Variants in ADGRL3 observed in about 807,000 individuals in gnomAD.
ADGRL3 encodes adhesion G protein-coupled receptor L3, also known as calcium-independent alpha-latrotoxin receptor 3.
A neutral mutation model predicts 153.5 loss-of-function variants in ADGRL3; 62 were observed. The ratio of observed to expected loss-of-function variants is 0.40; its 90% CI spans 0.33 to 0.50. The LOEUF is 0.50. Ranked by LOEUF, ADGRL3 falls within the 20% of genes least tolerant of loss-of-function variation. The pLI is 0.47. For missense variants in ADGRL3, 1,641 were observed against 1,859.4 expected (o/e 0.88, Z 2.16); for synonymous variants, 710 against 672.5 (o/e 1.06, Z -0.86).
intron 17 of ADGRL3, among the ~76,000 whole-genome samples, chr4:61,965,855 T>C (rs192233840): frequency 6.6e-5 from 10 of 152,214 alleles, no homozygotes; most frequent in Non-Finnish European, 1.3e-4. Context: ...ACTCTGCGTA[T>C]CATTACAATG....
At chr4:61,925,460 T>C (rs754963302) in intron 13 of ADGRL3, among the ~76,000 whole-genome samples, 2 of 152,206 alleles carry the variant, frequency 1.3e-5, no homozygotes, top group Admixed American at 6.5e-5. Context: ...TGTAAAGGAA[T>C]ACCTGAGCCT....
intron 9 of ADGRL3, among the ~76,000 whole-genome samples, chr4:61,823,426 G>T (rs879434314): frequency 3.9e-5 from 6 of 151,960 alleles, no homozygotes; most frequent in Admixed American, 6.6e-5. Context: ...ATTCCTTCCC[G>T]AAGAGAGCTA....
chr4:61,706,653 C>T (rs1279844638), intron 6 of ADGRL3, among the ~76,000 whole-genome samples: 1 of 152,076 alleles, frequency 6.6e-6, no homozygotes, highest in Non-Finnish European at 1.5e-5. Flanking sequence ...TCCACATCAC[C>T]ATTTCTCTCA....
chr4:61,560,670 C>G (rs1267035644), intron 4 of ADGRL3, among the ~76,000 whole-genome samples: 2 of 151,652 alleles, frequency 1.3e-5, no homozygotes, highest in African/African-American at 2.4e-5. Context: ...TTTTTGCCTT[C>G]CTTTAAAGAA....
At chr4:61,301,123 T>C (rs2094570218) in intron 1 of ADGRL3, among the ~76,000 whole-genome samples, 2 of 152,202 alleles carry the variant, frequency 1.3e-5, no homozygotes. Context: ...TGGAAGTCAT[T>C]GATAAAGCTG....
At chr4:61,266,197 G>T (rs753398987) in intron 1 of ADGRL3, among the ~76,000 whole-genome samples, 3 of 151,666 alleles carry the variant, frequency 2.0e-5, no homozygotes, top group Non-Finnish European at 3.0e-5. Flanking sequence ...CACCCTGAAC[G>T]ATTATATCCT....
chr4:61,282,649 A>G (rs1025690641), intron 1 of ADGRL3, among the ~76,000 whole-genome samples: 13 of 151,964 alleles, frequency 8.6e-5, no homozygotes, highest in African/African-American at 3.1e-4. Context: ...TTTACTAAAC[A>G]TAGTAAATTC....
At chr4:61,725,429 A>G (rs2096312365) in intron 6 of ADGRL3, among the ~76,000 whole-genome samples, 1 of 151,898 alleles carries the variant, frequency 6.6e-6, no homozygotes, top group Non-Finnish European at 1.5e-5. Context: ...CATCTCTACT[A>G]AAAATACAAA....
chr4:62,041,660 C>CA (rs1486787010), intron 24 of ADGRL3, among the ~76,000 whole-genome samples: 3 of 151,868 alleles, frequency 2.0e-5, no homozygotes, highest in East Asian at 1.9e-4. Context: ...TCTCTCCTTC[C>CA]AAAAAATCTT....
intron 4 of ADGRL3, among the ~76,000 whole-genome samples, chr4:61,551,196 G>A (rs1009457478): frequency 1.3e-5 from 2 of 152,204 alleles, no homozygotes; most frequent in Middle Eastern, 3.4e-3. Flanking sequence ...CTTGAGACAA[G>A]TGTAATCGCA....
intron 15 of ADGRL3, among the ~76,000 whole-genome samples, chr4:61,937,723 TTGTTCAC>T (rs1266282829): frequency 3.3e-5 from 5 of 152,318 alleles, no homozygotes; most frequent in Admixed American, 3.3e-4. Flanking sequence ...TTGTCTAATC[TTGTTCAC>T]TGATGTAACC....
At chr4:61,677,614 A>G (rs997099660) in intron 6 of ADGRL3, among the ~76,000 whole-genome samples, 2 of 152,052 alleles carry the variant, frequency 1.3e-5, no homozygotes, top group Admixed American at 6.6e-5. Flanking sequence ...AACAATTTTT[A>G]TATCTAACTC....
intron 11 of ADGRL3, among the ~76,000 whole-genome samples, chr4:61,896,070 C>G (rs551596170): frequency 6.6e-6 from 1 of 151,876 alleles, no homozygotes; most frequent in Non-Finnish European, 1.5e-5. Flanking sequence ...AATAAAATTT[C>G]TCTGGTATTG....
At chr4:61,386,879 G>GGTTT (rs1407698051) in intron 2 of ADGRL3, among the ~76,000 whole-genome samples, 2 of 152,060 alleles carry the variant, frequency 1.3e-5, no homozygotes, top group Non-Finnish European at 2.9e-5. Context: ...TTTAAAGGCT[G>GGTTT]GTTTATTGAT....
rs1180916619 is a variant in ADGRL3 at position 61,202,641 on chromosome 4, A to G, written c.-240+876A>G. ...CTCGGCGCTTCTCTGAGGAGAAGGG[A>G]AGGCTCCAGGCTGCAGCGCAGCGTC... On this transcript the variant is annotated intron_variant, in intron 1 of 26. Coordinates refer to ENST00000683033, the MANE Select transcript of ADGRL3 (RefSeq NM_001387552.1). This position sits in a 1 kb window ranked among gnomAD's most constrained non-coding sequence, Gnocchi z 5.0. Among the ~76,000 whole-genome samples the G allele has an allele frequency of 6.6e-6, 1 of 152,070 alleles. No individual in the cohort carries two copies.
chr4:61,339,880 T>G (rs2095768321), intron 1 of ADGRL3, among the ~76,000 whole-genome samples: 1 of 152,184 alleles, frequency 6.6e-6, no homozygotes, highest in Admixed American at 6.5e-5. Context: ...GCCAGTCTGC[T>G]GCCAGCTGGC....
At chr4:61,867,974 C>A (rs952419009) in intron 9 of ADGRL3, among the ~76,000 whole-genome samples, 1 of 152,036 alleles carries the variant, frequency 6.6e-6, no homozygotes, top group Non-Finnish European at 1.5e-5. Context: ...CATGTTGTCA[C>A]TTTATAGCTT....
chr4:61,676,449 T>C (rs2095196178), intron 5 of ADGRL3, among the ~76,000 whole-genome samples: 1 of 152,052 alleles, frequency 6.6e-6, no homozygotes, highest in African/African-American at 2.4e-5. Context: ...TCTGTGGTTA[T>C]ATTTTCTAAA....
chr4:62,056,689 A>G (rs961441799), intron 25 of ADGRL3, among the ~76,000 whole-genome samples: 17 of 152,088 alleles, frequency 1.1e-4, no homozygotes, highest in Non-Finnish European at 2.2e-4. Flanking sequence ...ACATCACTCA[A>G]TAGTAACTCT....
Sources: allele counts gnomAD v4.1 joint callset (sites outside exome capture counted in the v4.1 genomes callset), GRCh38; gene constraint gnomAD v4.1.1; non-coding constraint Gnocchi (gnomAD v3.1); transcripts MANE v1.5; gene names NCBI Gene and HGNC (gene_info 2026-07-23, HGNC 2026-07-21).